Variants in KMT2B observed in about 807,000 individuals in gnomAD.
KMT2B encodes histone-lysine N-methyltransferase 2B.
In KMT2B, 22 loss-of-function variants were observed where a neutral mutation model predicts 255.3. The ratio of observed to expected loss-of-function variants is 0.09; its 90% CI spans 0.06 to 0.12. KMT2B has a LOEUF of 0.12. Among genes scored for constraint, KMT2B ranks in the 10% least tolerant of loss-of-function variants. The pLI is 1.00. For synonymous variants in KMT2B, 1,730 were observed against 1,498.1 expected, an observed-to-expected ratio of 1.15 and a Z score of -3.57; for missense variants, 3,149 against 3,737.0, an observed-to-expected ratio of 0.84 and a Z score of 4.10.
chr19:35,732,955 C>T lies in KMT2B; in HGVS notation c.6406C>T (p.Leu2136Phe). ...DGGAGPREES[L>F]PPAPPLANGS... ...AGGTGCTGGCCCTAGAGAGGAGTCA[C>T]TCCCCCCGGCGCCTCCCCTGGCTAA... Residue 2136 changes from leucine (L) to phenylalanine (F), a missense_variant, in exon 28 of 37, where the codon CTC becomes TTC. Physicochemically the swap from Leu to Phe is conservative, Grantham distance 22. This residue lies in a region of KMT2B where 897 missense variants were observed against 825.3 expected (regional missense o/e 1.09). Transcript: ENST00000420124. 1.2e-6 allele frequency: 2 copies of T among 1,605,618 alleles called. No homozygotes were observed. The highest frequency in any genetic ancestry group is 1.7e-6 in the Non-Finnish European group (2 of 1,176,800).
In KMT2B at chr19:35,732,457, C is replaced by A. The variant is rs991657581; in HGVS notation, c.5908C>A (p.Pro1970Thr). The A allele has an allele frequency of 5.6e-6, 9 of 1,613,726 alleles. No individual in the cohort carries two copies. Among genetic ancestry groups the A allele is most frequent in the East Asian group, 4.5e-5 (2 of 44,878 alleles). The change falls in exon 28 of 37, where the codon CCT (proline) becomes ACT (threonine). Residue 1970 changes from proline to threonine, a missense_variant. Pro to Thr is a conservative substitution (Grantham distance 38). This residue lies in a region of KMT2B where 897 missense variants were observed against 825.3 expected (regional missense o/e 1.09). Coordinates refer to ENST00000420124, the MANE Select transcript of KMT2B (RefSeq NM_014727.3). Reference sequence around the variant, plus strand: ...TGGCCCGGCCCCATCTCCACCACCCCCTGAAGACCTGGGCCCAGACTTCGA... The same window carrying A: ...TGGCCCGGCCCCATCTCCACCACCCACTGAAGACCTGGGCCCAGACTTCGA... Reference protein sequence around the residue: ...PPGPAPSPPPPEDLGPDFEDM... With the variant: ...PPGPAPSPPPTEDLGPDFEDM...
Position 35,718,403 on chromosome 19 carries a change from C to G in KMT2B, c.363+22C>G, listed in dbSNP as rs746185651. On this transcript the variant is annotated intron_variant, in intron 1 of 36. Coordinates refer to ENST00000420124, the MANE Select transcript of KMT2B (RefSeq NM_014727.3). This position sits in a 1 kb window ranked among gnomAD's most constrained non-coding sequence, Gnocchi z 5.0. ...GGAGGTGAGGCGGTTGGAGGCGTCCCCGGCGCCGGGTGGGGCGGAGGCCGG... is the reference window on the plus strand; with the variant it reads ...GGAGGTGAGGCGGTTGGAGGCGTCCGCGGCGCCGGGTGGGGCGGAGGCCGG... 1 of 1,253,828 alleles carries G rather than the reference C, an allele frequency of 8.0e-7. No individual in the cohort carries two copies. Among genetic ancestry groups the G allele is most frequent in the African/African-American group, 1.5e-5 (1 of 64,948 alleles). The allele number at this position is 1,253,828 out of a possible 1,614,324, so 77.7% of individuals were successfully genotyped here. A position where few individuals can be genotyped will look rare whatever the true frequency, so the allele number is the denominator to read the frequency against.
chr19:35,727,816 G>A lies in KMT2B; in HGVS notation c.4392+29G>A. 1 of 1,613,252 alleles carries A rather than the reference G, an allele frequency of 6.2e-7. No individual in the cohort carries two copies. On this transcript the variant is annotated intron_variant, in intron 17 of 36. Coordinates refer to ENST00000420124, the MANE Select transcript of KMT2B (RefSeq NM_014727.3). This position sits in a 1 kb window ranked among gnomAD's most constrained non-coding sequence, Gnocchi z 4.2. Reference sequence around the variant, plus strand: ...AGTGGTACACCAGGAGGAGCAGGTGGGTGGCAGGAGGAGAGGGCTGGAATT... The same window carrying A: ...AGTGGTACACCAGGAGGAGCAGGTGAGTGGCAGGAGGAGAGGGCTGGAATT...
intron 20 of KMT2B, 32 bp downstream of exon 20, chr19:35,728,921 C>T (rs1260576643): frequency 6.2e-7 from 1 of 1,611,638 alleles, no homozygotes; most frequent in South Asian, 1.1e-5. Flanking sequence ...GAAGCCAGGG[C>T]CCTGTGTTGG....
rs1486097693 is a variant in KMT2B at position 35,720,135 on chromosome 19, C to G, written c.788C>G (p.Thr263Ser). The change falls in exon 3 of 37, where the codon ACT becomes AGT. Residue 263 changes from threonine (T) to serine (S), a missense_variant. Thr to Ser is a moderately conservative substitution (Grantham distance 58). This residue lies in a region of KMT2B where 1,188 missense variants were observed against 1,106.4 expected (regional missense o/e 1.07). Transcript: ENST00000420124. ...CCTGTGGTTCCAGTGAAACATCAGACTGGCAGCTGGAAATGCAAGGAGGGG... is the reference window on the plus strand; with the variant it reads ...CCTGTGGTTCCAGTGAAACATCAGAGTGGCAGCTGGAAATGCAAGGAGGGG... ...PPPVVPVKHQ[T>S]GSWKCKEGPG... 3.8e-6 allele frequency: 6 copies of G among 1,598,992 alleles called. No individual in the cohort carries two copies. Among genetic ancestry groups the G allele is most frequent in the Non-Finnish European group, 5.1e-6 (6 of 1,173,018 alleles).
chr19:35,735,458 C>CT (rs1969880214), intron 30 of KMT2B: 1 of 152,370 alleles, frequency 6.6e-6, no homozygotes, highest in South Asian at 2.1e-4. Flanking sequence ...ACCTCTGGTC[C>CT]TGCCTCCTTG....
chr19:35,721,745 A>G lies in KMT2B; in HGVS notation c.2398A>G (p.Lys800Glu), dbSNP rs1182473232. 4 of 1,610,106 alleles carry G rather than the reference A, an allele frequency of 2.5e-6. No individual in the cohort carries two copies. Among genetic ancestry groups the G allele is most frequent in the African/African-American group, 1.3e-5 (1 of 74,880 alleles). ...EKMFSLLKRA[K>E]VQLFKIDQQQ... is the part of the protein sequence containing the mutation. The stretch of plus-strand genomic sequence containing the variant: ...GATGTTCAGCCTCCTCAAGAGAGCC[A>G]AAGTGCAGCTATTCAAGATCGATCA... The change falls in exon 3 of 37, where the codon AAA (lysine) becomes GAA (glutamate). Residue 800 changes from lysine to glutamate, a missense_variant. By Grantham distance (56) the Lys-to-Glu change is moderately conservative. This residue lies in a region of KMT2B where 1,188 missense variants were observed against 1,106.4 expected (regional missense o/e 1.07). Transcript: ENST00000420124.
chr19:35,721,513 C>G lies in KMT2B; in HGVS notation c.2166C>G (p.His722Gln), dbSNP rs368953229. The G allele has an allele frequency of 3.1e-6, 5 of 1,612,178 alleles. No individual in the cohort carries two copies. The highest frequency in any genetic ancestry group is 3.4e-6 in the Non-Finnish European group (4 of 1,179,862). Reference sequence around the variant, plus strand: ...CTGTTAAGGCCGAGGTGTCCCCTCACGGGGCTCCAGCTCTGAGCAACGGGC... The same window carrying G: ...CTGTTAAGGCCGAGGTGTCCCCTCAGGGGGCTCCAGCTCTGAGCAACGGGC... ...TTPVKAEVSP[H>Q]GAPALSNGPQ... The change falls in exon 3 of 37, where the codon CAC becomes CAG. Residue 722 changes from histidine to glutamine, a missense_variant. His to Gln is a conservative substitution (Grantham distance 24). This residue lies in a region of KMT2B where 1,188 missense variants were observed against 1,106.4 expected (regional missense o/e 1.07). Transcript: ENST00000420124.
Position 35,733,684 on chromosome 19 carries a change from T to C in KMT2B, c.7047T>C (p.Pro2349=). The C allele has an allele frequency of 1.9e-6, 3 of 1,603,480 alleles. No individual in the cohort carries two copies. The highest frequency in any genetic ancestry group is 2.6e-6 in the Non-Finnish European group (3 of 1,175,328). ...RPGEPAGEES[P]GPLQERSPLL... ...GGGAGCCCGCTGGGGAAGAAAGTCC[T>C]GGGTGAGTGGCCAGGCCCCTCTCCC... The change falls in exon 29 of 37, where the codon CCT becomes CCC. Residue 2349 remains proline (P), a splice_region_variant and synonymous_variant. Transcript: ENST00000420124. The surrounding 1 kb of genome is among the most constrained non-coding windows in gnomAD (Gnocchi z 4.3).
intron 30 of KMT2B, among the ~76,000 whole-genome samples, chr19:35,734,537 A>G (rs890413027): frequency 6.6e-6 from 1 of 152,100 alleles, no homozygotes; most frequent in Non-Finnish European, 1.5e-5. Context: ...GATGGCAGGG[A>G]AGGGCAGGCT....
chr19:35,725,574 C>T lies in KMT2B; in HGVS notation c.3738C>T (p.Cys1246=), dbSNP rs189173008. 3 of 1,610,290 alleles carry T rather than the reference C, an allele frequency of 1.9e-6. No individual in the cohort carries two copies. The highest frequency in any genetic ancestry group is 2.5e-6 in the Non-Finnish European group (3 of 1,179,880). ...PLPQHHDTWC[C]RRCKFCHVCG... is the part of the protein sequence containing the mutation. ...CCCAGCATCACGACACCTGGTGCTG[C>T]CGTCGCTGCAAATTCTGCCACGTCT... Residue 1246 remains cysteine (C), a synonymous_variant, in exon 12 of 37, where the codon TGC becomes TGT. Coordinates refer to ENST00000420124, the MANE Select transcript of KMT2B (RefSeq NM_014727.3). This position sits in a 1 kb window ranked among gnomAD's most constrained non-coding sequence, Gnocchi z 4.1.
At chr19:35,719,628 C>G (rs930436543) in intron 2 of KMT2B, 87 bp downstream of exon 2, 1 of 1,502,696 alleles carries the variant, frequency 6.7e-7, no homozygotes, top group Non-Finnish European at 9.1e-7. Flanking sequence ...CAACTAGCCT[C>G]TGTCAGTTGC....
At position 35,733,272 on chromosome 19, in the gene KMT2B, C is replaced by T. The variant is rs182222222; in HGVS notation, c.6723C>T (p.Gly2241=). The T allele has an allele frequency of 4.4e-3, 6,551 of 1,478,074 alleles. 253 individuals carry two copies. In the African/African-American group the frequency reaches 0.079, roughly 18 times the overall value. The allele number at this position is 1,478,074 out of a possible 1,614,324, so 91.6% of individuals were successfully genotyped here. The change falls in exon 28 of 37, where the codon GGC becomes GGT. Residue 2241 remains glycine (G), a synonymous_variant. Coordinates refer to ENST00000420124, the MANE Select transcript of KMT2B (RefSeq NM_014727.3). The surrounding 1 kb of genome is among the most constrained non-coding windows in gnomAD (Gnocchi z 4.3). The stretch of plus-strand genomic sequence containing the variant: ...CTCTGCCCCCAGGCCCCCTCCTCGG[C>T]GTGCTGCCCGTGGTCGGAGTGGTCC... The part of the protein sequence containing the change: ...SWTLPPGPLL[G]VLPVVGVVRP...
chr19:35,733,814 C>G lies in KMT2B; in HGVS notation c.7101C>G (p.Pro2367=). Residue 2367 remains proline, a synonymous_variant, in exon 30 of 37, where the codon CCC becomes CCG. Transcript: ENST00000420124. This position sits in a 1 kb window ranked among gnomAD's most constrained non-coding sequence, Gnocchi z 4.3. ...TGCCACTTCCGGAAGATGGTCCTCC[C>G]CAGGTCCCCGATGGTCCCCCAGACC... The part of the protein sequence containing the change: ...PLLPLPEDGP[P]QVPDGPPDLL... The G allele has an allele frequency of 6.2e-7, 1 of 1,613,782 alleles. No individual in the cohort carries two copies. The highest frequency in any genetic ancestry group is 1.1e-5 in the South Asian group (1 of 91,082).
Position 35,725,188 on chromosome 19 carries a change from G to A in KMT2B, c.3529-32G>A. On this transcript the variant is annotated intron_variant, in intron 10 of 36. Coordinates refer to ENST00000420124, the MANE Select transcript of KMT2B (RefSeq NM_014727.3). This position sits in a 1 kb window ranked among gnomAD's most constrained non-coding sequence, Gnocchi z 4.1. ...GTGGGTCTGCCTTGTATGCCTGGCG[G>A]CCCTCTGATCCTGCATCCTCTCTTC... 1.3e-6 allele frequency: 2 copies of A among 1,598,878 alleles called. No individual in the cohort carries two copies. The highest frequency in any genetic ancestry group is 8.6e-7 in the Non-Finnish European group (1 of 1,166,988).
chr19:35,737,065 G>C lies in KMT2B; in HGVS notation c.7373-21G>C. 1 of 1,610,430 alleles carries C rather than the reference G, an allele frequency of 6.2e-7. No individual in the cohort carries two copies. The highest frequency in any genetic ancestry group is 1.1e-5 in the South Asian group (1 of 90,596). ...CATGGGCCCTCCACATGACAGGTGT[G>C]TCCTCAACATCTCCCCTCAGGAATG... On this transcript the variant is annotated intron_variant, in intron 32 of 36. Transcript: ENST00000420124. This position sits in a 1 kb window ranked among gnomAD's most constrained non-coding sequence, Gnocchi z 5.3.
At position 35,726,983 on chromosome 19, in the gene KMT2B, CAA is replaced by C. The variant is rs34515466; in HGVS notation, c.4004-153_4004-152del. Among the ~76,000 whole-genome samples, 2,422 of 62,774 alleles carry C rather than the reference CAA, an allele frequency of 0.039. 24 individuals are homozygous for C. The highest frequency in any genetic ancestry group is 0.075 in the African/African-American group (1,405 of 18,652). 41.2% of individuals were successfully genotyped at this position (62,774 alleles called of 152,430 possible). On this transcript the variant is annotated intron_variant, in intron 14 of 36. Coordinates refer to ENST00000420124, the MANE Select transcript of KMT2B (RefSeq NM_014727.3). ...TGGGTGACAGAGCAAGACACTGTCT[CAA>C]AAAAAAAAAAAAAAAAAAAGCCTCA...
At position 35,728,171 on chromosome 19, in the gene KMT2B, A is replaced by G. The variant is rs1323489565; in HGVS notation, c.4571A>G (p.Asn1524Ser). ...TGGCGACGGAGTACCCGGCTGCCAA[A>G]GTGAGCAAGGCTGGGTAGCAGAAGG... is the stretch of plus-strand genomic sequence containing the variant. Reference protein sequence around the residue: ...KYWRRSTRLPNGVLPNAVLPP... With the variant: ...KYWRRSTRLPSGVLPNAVLPP... The change falls in exon 19 of 37, where the codon AAC becomes AGC. Residue 1524 changes from asparagine (N) to serine (S), a missense_variant and splice_region_variant. Around this residue, in one of 18 missense-constraint regions of KMT2B, gnomAD observed 377 missense variants for 471.0 expected, o/e 0.80. Coordinates refer to ENST00000420124, the MANE Select transcript of KMT2B (RefSeq NM_014727.3). 1 of 1,587,826 alleles carries G rather than the reference A, an allele frequency of 6.3e-7. No individual in the cohort carries two copies.
chr19:35,723,378 T>A lies in KMT2B; in HGVS notation c.3003-69T>A. Reference sequence around the variant, plus strand: ...CAGAGCAGTGGGGTTGGCATTCTTGTGGAGAGCTTCCTCTCTTCCCCCAGA... The same window carrying A: ...CAGAGCAGTGGGGTTGGCATTCTTGAGGAGAGCTTCCTCTCTTCCCCCAGA... On this transcript the variant is annotated intron_variant, in intron 6 of 36. Transcript: ENST00000420124. The surrounding 1 kb of genome is among the most constrained non-coding windows in gnomAD (Gnocchi z 7.5). 1 of 1,538,404 alleles carries A rather than the reference T, an allele frequency of 6.5e-7. No individual in the cohort carries two copies. Among genetic ancestry groups the A allele is most frequent in the Non-Finnish European group, 8.8e-7 (1 of 1,136,562 alleles).
Sources: allele counts gnomAD v4.1 joint callset (sites outside exome capture counted in the v4.1 genomes callset), GRCh38; gene constraint gnomAD v4.1.1; regional missense constraint gnomAD v4.1.1; non-coding constraint Gnocchi (gnomAD v3.1); transcripts MANE v1.5; gene names NCBI Gene and HGNC (gene_info 2026-07-23, HGNC 2026-07-21).